Variants in WDR97 observed in about 807,000 individuals in gnomAD.
The protein encoded by WDR97 is WD repeat domain 97, also known as WD repeat-containing protein 97.
Under a neutral mutation model 65.4 loss-of-function variants are expected in WDR97, and 111 were observed. That is an observed-to-expected ratio of 1.70 (90% confidence interval 1.45 to 1.99). WDR97 has a LOEUF of 1.99. WDR97 is among the 30% of genes most tolerant of loss of function. The pLI is 0.00. For missense variants in WDR97, 1,674 were observed against 865.0 expected, an observed-to-expected ratio of 1.94 and a Z score of -11.73; for synonymous variants, 802 against 397.7, an observed-to-expected ratio of 2.02 and a Z score of -12.10.
In WDR97 at chr8:144,108,878, C is replaced by G. The variant is rs867635292; in HGVS notation, c.812C>G (p.Ser271Trp). ...HVLRCFAAYGSAVLTFDLHAW... is the reference protein window; with the variant it reads ...HVLRCFAAYGWAVLTFDLHAW... ...CTGCGCTGCTTCGCGGCCTATGGCT[C>G]GGCCGTGCTCACCTTCGATCTGCAT... Residue 271 changes from serine to tryptophan, a missense_variant, in exon 3 of 24, where the codon TCG becomes TGG. Ser to Trp is a radical substitution (Grantham distance 177). Coordinates refer to ENST00000323662, the MANE Select transcript of WDR97 (RefSeq NM_001316309.2). The G allele has an allele frequency of 2.8e-6, 2 of 702,804 alleles. No homozygotes were observed. The highest frequency in any genetic ancestry group is 5.2e-6 in the Non-Finnish European group (2 of 385,000). The allele number at this position is 702,804 out of a possible 1,614,324, so 43.5% of individuals were successfully genotyped here.
In WDR97 at chr8:144,115,646, GC is replaced by G; in HGVS notation, c.4386del (p.Gly1463GlufsTer90). On this transcript the variant is annotated frameshift_variant, in exon 22 of 24. Transcript: ENST00000323662. LOFTEE classifies it high-confidence loss of function. ...RLHPAGPAQL[P>X]GEPPPLEETD... ...TGCACCCTGCCGGGCCTGCTCAGCT[GC>G]CCGGAGAGCCGCCGCCGCTGGAGGA... The G allele has an allele frequency of 1.4e-6, 1 of 692,530 alleles. No homozygotes were observed. Among genetic ancestry groups the G allele is most frequent in the East Asian group, 2.7e-5 (1 of 37,106 alleles). The allele number at this position is 692,530 out of a possible 1,614,324, so 42.9% of individuals were successfully genotyped here.
chr8:144,113,690 C>T lies in WDR97; in HGVS notation c.3217C>T (p.Arg1073Cys), dbSNP rs1036351953. Residue 1073 changes from arginine (R) to cysteine (C), a missense_variant, in exon 17 of 24, where the codon CGC becomes TGC. By Grantham distance (180) the Arg-to-Cys change is radical. Transcript: ENST00000323662. ...AAGCCAGGATGCCCTGTGGTTGTGG[C>T]GCCCCAGGCCATCCCAAACCCAGTG... ...GASQDALWLW[R>C]PRPSQTQWQR... The T allele has an allele frequency of 3.0e-5, 20 of 668,072 alleles. No homozygotes were observed. Among genetic ancestry groups the T allele is most frequent in the South Asian group, 4.8e-5 (3 of 62,230 alleles). The allele number at this position is 668,072 out of a possible 1,614,324, so 41.4% of individuals were successfully genotyped here.
chr8:144,113,007 G>T, intron 15 of WDR97: 1 of 309,590 alleles, frequency 3.2e-6, no homozygotes, highest in South Asian at 4.9e-5. Context: ...TCCTGGCACT[G>T]TCACCTGCCC....
chr8:144,109,764 C>G lies in WDR97; in HGVS notation c.1430C>G (p.Ala477Gly). Residue 477 changes from alanine (A) to glycine (G), a missense_variant, in exon 5 of 24, where the codon GCG becomes GGG. Transcript: ENST00000323662. ...SSLLLEPEDCAAAVAYCLPRE... is the reference protein window; with the variant it reads ...SSLLLEPEDCGAAVAYCLPRE... The stretch of plus-strand genomic sequence containing the variant: ...CTGCTGCTGGAGCCGGAGGACTGCG[C>G]GGCAGCCGTGGCCTACTGCCTGCCG... The G allele has an allele frequency of 1.5e-6, 1 of 677,268 alleles. No homozygotes were observed. Among genetic ancestry groups the G allele is most frequent in the Non-Finnish European group, 2.7e-6 (1 of 375,112 alleles). 42.0% of individuals were successfully genotyped at this position (677,268 alleles called of 1,614,324 possible). A position where few individuals can be genotyped will look rare whatever the true frequency, so the allele number is the denominator to read the frequency against.
chr8:144,112,859 G>A (rs1836577507), intron 15 of WDR97: 2 of 421,458 alleles, frequency 4.7e-6, no homozygotes, highest in Non-Finnish European at 8.6e-6. Context: ...GGTCCCCTAG[G>A]GACTTTTCCT....
chr8:144,108,372 C>G lies in WDR97; in HGVS notation c.306C>G (p.Arg102=), dbSNP rs2130037488. Residue 102 remains arginine, a synonymous_variant, in exon 3 of 24, where the codon CGC becomes CGG. Coordinates refer to ENST00000323662, the MANE Select transcript of WDR97 (RefSeq NM_001316309.2). ...ARLTHGLEPL[R]RLEVAAGLRS... is the part of the protein sequence containing the mutation. ...TGACGCATGGGCTGGAACCACTGCG[C>G]CGCCTGGAGGTGGCAGCCGGGCTGC... is the stretch of plus-strand genomic sequence containing the variant. 1.4e-6 allele frequency: 1 copy of G among 697,724 alleles called. No homozygotes were observed. Among genetic ancestry groups the G allele is most frequent in the Non-Finnish European group, 2.6e-6 (1 of 383,240 alleles). The allele number at this position is 697,724 out of a possible 1,614,324, so 43.2% of individuals were successfully genotyped here.
intron 3 of WDR97, 50 bp downstream of exon 3, chr8:144,108,994 C>T (rs1486279911): frequency 2.8e-6 from 2 of 702,968 alleles, no homozygotes; most frequent in Non-Finnish European, 5.2e-6. Flanking sequence ...GCACACGGCC[C>T]TCACACACAA....
chr8:144,110,827 C>T (rs568535674), intron 8 of WDR97, 37 bp from the exon 9 acceptor site: 6 of 702,548 alleles, frequency 8.5e-6, no homozygotes, highest in East Asian at 8.0e-5. Flanking sequence ...AAGGCCTTGT[C>T]CCTGCTGAGC....
At position 144,112,233 on chromosome 8, in the gene WDR97, C is replaced by T. The variant is rs556046484; in HGVS notation, c.2905C>T (p.Arg969Cys). 419 of 702,694 alleles carry T rather than the reference C, an allele frequency of 6.0e-4. 1 individual carries two copies. The highest frequency in any genetic ancestry group is 1.7e-3 in the Admixed American group (83 of 50,012). 43.5% of individuals were successfully genotyped at this position (702,694 alleles called of 1,614,324 possible). Residue 969 changes from arginine to cysteine, a missense_variant, in exon 14 of 24, where the codon CGC becomes TGC. Transcript: ENST00000323662. The part of the protein sequence containing the change: ...VHSKASQLLA[R>C]SSLSHYLGIS... ...TCCTCCTATGCCCCAGCTTCTGGCC[C>T]GCTCCTCACTGAGCCACTACCTGGG...
rs1190873856 is a variant in WDR97, at chr8:144,108,885, G to A, written c.819G>A (p.Val273=). ...LRCFAAYGSA[V]LTFDLHAWTL... Reference sequence around the variant, plus strand: ...GCTTCGCGGCCTATGGCTCGGCCGTGCTCACCTTCGATCTGCATGCCTGGA... The same window carrying A: ...GCTTCGCGGCCTATGGCTCGGCCGTACTCACCTTCGATCTGCATGCCTGGA... The change falls in exon 3 of 24, where the codon GTG becomes GTA. Residue 273 remains valine, a synonymous_variant. Transcript: ENST00000323662. 1 of 702,800 alleles carries A rather than the reference G, an allele frequency of 1.4e-6. No individual in the cohort carries two copies. Among genetic ancestry groups the A allele is most frequent in the East Asian group, 2.7e-5 (1 of 37,294 alleles). The allele number at this position is 702,800 out of a possible 1,614,324, so 43.5% of individuals were successfully genotyped here. A position where few individuals can be genotyped will look rare whatever the true frequency, so the allele number is the denominator to read the frequency against.
In WDR97 at chr8:144,110,557, A is replaced by T. The variant is rs1836526128; in HGVS notation, c.2060A>T (p.Asp687Val). The T allele has an allele frequency of 1.4e-6, 1 of 702,628 alleles. No homozygotes were observed. The highest frequency in any genetic ancestry group is 2.6e-6 in the Non-Finnish European group (1 of 384,916). 43.5% of individuals were successfully genotyped at this position (702,628 alleles called of 1,614,324 possible). A position where few individuals can be genotyped will look rare whatever the true frequency, so the allele number is the denominator to read the frequency against. ...CGATTAGACCACCGGCCCCAGGACG[A>T]CCCCACGGACCACATCACTGGTGAG... ...SPRLDHRPQD[D>V]PTDHITGLCC... The change falls in exon 7 of 24, where the codon GAC becomes GTC. Residue 687 changes from aspartate (D) to valine (V), a missense_variant. Transcript: ENST00000323662.
intron 8 of WDR97, 30 bp downstream of exon 8, chr8:144,110,769 C>T (rs1165327486): frequency 1.4e-6 from 1 of 702,640 alleles, no homozygotes; most frequent in Non-Finnish European, 2.6e-6. Flanking sequence ...GGGCTGGGGT[C>T]TCCTACCTCT....
Position 144,114,316 on chromosome 8 carries a change from G to C in WDR97, c.3633G>C (p.Ser1211=), listed in dbSNP as rs928872188. ...PEAGTIEGLA[S]LLVALLEKTT... ...CGGGCACGATCGAGGGCCTGGCCTC[G>C]CTGTTGGTGGCCCTGCTGGAGAAGA... is the stretch of plus-strand genomic sequence containing the variant. Residue 1211 remains serine, a synonymous_variant, in exon 19 of 24, where the codon TCG becomes TCC. Coordinates refer to ENST00000323662, the MANE Select transcript of WDR97 (RefSeq NM_001316309.2). 1 of 702,416 alleles carries C rather than the reference G, an allele frequency of 1.4e-6. No homozygotes were observed. The highest frequency in any genetic ancestry group is 2.7e-5 in the East Asian group (1 of 37,278). 43.5% of individuals were successfully genotyped at this position (702,416 alleles called of 1,614,324 possible).
In WDR97 at chr8:144,116,264, G is replaced by C; in HGVS notation, c.4840G>C (p.Ala1614Pro). The change falls in exon 24 of 24, where the codon GCG becomes CCG. Residue 1614 changes from alanine to proline, a missense_variant. Transcript: ENST00000323662. Reference sequence around the variant, plus strand: ...GGCCCTGCAGCGCTACTTTCTGCCAGCGGACGCGGACCCTGACACCTACAG... The same window carrying C: ...GGCCCTGCAGCGCTACTTTCTGCCACCGGACGCGGACCCTGACACCTACAG... Reference protein sequence around the residue: ...QPALQRYFLPADADPDTYS With the variant: ...QPALQRYFLPPDADPDTYS 1 of 658,982 alleles carries C rather than the reference G, an allele frequency of 1.5e-6. No individual in the cohort carries two copies. The highest frequency in any genetic ancestry group is 2.8e-6 in the Non-Finnish European group (1 of 362,302). The allele number at this position is 658,982 out of a possible 1,614,324, so 40.8% of individuals were successfully genotyped here.
At position 144,113,741 on chromosome 8, in the gene WDR97, G is replaced by C. The variant is rs564700892; in HGVS notation, c.3268G>C (p.Gly1090Arg). 3.6e-4 allele frequency: 251 copies of C among 700,296 alleles called. 1 individual carries two copies. The African/African-American group carries it at 4.0e-3, about 11-fold the overall frequency. The allele number at this position is 700,296 out of a possible 1,614,324, so 43.4% of individuals were successfully genotyped here. A position where few individuals can be genotyped will look rare whatever the true frequency, so the allele number is the denominator to read the frequency against. Residue 1090 changes from glycine (G) to arginine (R), a missense_variant, in exon 17 of 24, where the codon GGG becomes CGG. Gly to Arg is a moderately radical substitution (Grantham distance 125, BLOSUM62 -2). Transcript: ENST00000323662. ...QWQRKLLQWM[G>R]EKPGEEGEED... is the part of the protein sequence containing the mutation. ...GCAGAGGAAGCTGCTCCAATGGATG[G>C]GGGAGAAGCCTGGGGAGGAGGGGGA...
At chr8:144,112,862 C>A (rs1836577624) in intron 15 of WDR97, 1 of 416,438 alleles carries the variant, frequency 2.4e-6, no homozygotes, top group Non-Finnish European at 4.3e-6. Flanking sequence ...CCCCTAGGGA[C>A]TTTTCCTGGA....
chr8:144,115,696 T>C lies in WDR97; in HGVS notation c.4433T>C (p.Leu1478Pro). The C allele has an allele frequency of 1.4e-6, 1 of 701,130 alleles. No individual in the cohort carries two copies. Among genetic ancestry groups the C allele is most frequent in the Non-Finnish European group, 2.6e-6 (1 of 384,226 alleles). 43.4% of individuals were successfully genotyped at this position (701,130 alleles called of 1,614,324 possible). A position where few individuals can be genotyped will look rare whatever the true frequency, so the allele number is the denominator to read the frequency against. ...LEETDWSHSQ[L>P]LDLGPIDALN... Reference sequence around the variant, plus strand: ...GAGACCGACTGGTCGCACTCGCAGCTGCTGGACTTGGGCCCCATCGACGCG... The same window carrying C: ...GAGACCGACTGGTCGCACTCGCAGCCGCTGGACTTGGGCCCCATCGACGCG... The change falls in exon 22 of 24, where the codon CTG becomes CCG. Residue 1478 changes from leucine to proline, a missense_variant. Transcript: ENST00000323662.
Position 144,110,952 on chromosome 8 carries a change from C to T in WDR97, c.2260C>T (p.Leu754=). The change falls in exon 9 of 24, where the codon CTG becomes TTG. Residue 754 remains leucine, a synonymous_variant. Transcript: ENST00000323662. The part of the protein sequence containing the change: ...LVLALGSRLC[L]VSHRLYLPTS... ...GCTGGCGCTGGGATCCCGCCTCTGC[C>T]TGGTGTCCCACAGGCTCTACCTGCC... is the stretch of plus-strand genomic sequence containing the variant. 1 of 702,838 alleles carries T rather than the reference C, an allele frequency of 1.4e-6. No individual in the cohort carries two copies. The highest frequency in any genetic ancestry group is 2.6e-6 in the Non-Finnish European group (1 of 384,992). 43.5% of individuals were successfully genotyped at this position (702,838 alleles called of 1,614,324 possible).
rs1235308351 is a variant in WDR97 at position 144,112,531 on chromosome 8, G to A, written c.3105+1G>A. ...TCCTGCCACCGTGCAGCCCCACAAG[G>A]TGAGACCCCCTCCCAGCTCCTGGAG... is the stretch of plus-strand genomic sequence containing the variant. On this transcript the variant is annotated splice_donor_variant, in intron 15 of 23. Coordinates refer to ENST00000323662, the MANE Select transcript of WDR97 (RefSeq NM_001316309.2). LOFTEE classifies it high-confidence loss of function. The A allele has an allele frequency of 4.3e-6, 3 of 702,574 alleles. No homozygotes were observed. The highest frequency in any genetic ancestry group is 7.8e-6 in the Non-Finnish European group (3 of 384,902). 43.5% of individuals were successfully genotyped at this position (702,574 alleles called of 1,614,324 possible). A position where few individuals can be genotyped will look rare whatever the true frequency, so the allele number is the denominator to read the frequency against.
Sources: gnomAD v4.1 joint callset for allele counts on GRCh38, gnomAD v4.1.1 for gene constraint, MANE v1.5 for transcripts, NCBI Gene and HGNC (gene_info 2026-07-23, HGNC 2026-07-21) for gene names.